Variants in HDGFL3 observed in about 807,000 individuals in gnomAD.
HDGFL3 encodes HDGF like 3, also known as hepatoma-derived growth factor-related protein 3.
A neutral mutation model predicts 27.6 loss-of-function variants in HDGFL3; 6 were observed. The ratio of observed to expected loss-of-function variants is 0.22; its 90% confidence interval spans 0.12 to 0.43. The LOEUF is 0.43. Ranked by LOEUF, HDGFL3 falls within the 20% of genes least tolerant of loss-of-function variation. The pLI, the probability that HDGFL3 is intolerant of heterozygous loss-of-function variation, is 1.00. For synonymous variants in HDGFL3, 88 were observed against 88.9 expected (o/e 0.99, Z 0.05); for missense variants, 207 against 250.1 (o/e 0.83, Z 1.16).
intron 3 of HDGFL3, chr15:83,119,862 C>A: frequency 1.1e-6 from 1 of 875,280 alleles, no homozygotes; most frequent in Non-Finnish European, 1.7e-6. Flanking sequence ...TGAATATGTC[C>A]TTCTGAATTG....
At chr15:83,176,084 A>G (rs1463104819) in intron 1 of HDGFL3, among the ~76,000 whole-genome samples, 1 of 152,200 alleles carries the variant, frequency 6.6e-6, no homozygotes, top group African/African-American at 2.4e-5. Flanking sequence ...GTAGAGGAAC[A>G]CGTCTTGCTT....
At chr15:83,120,365 C>G (rs1003687699) in intron 3 of HDGFL3, among the ~76,000 whole-genome samples, 2 of 152,330 alleles carry the variant, frequency 1.3e-5, no homozygotes, top group Admixed American at 1.3e-4. Context: ...CATGGTGGCA[C>G]ACCCACAGCT....
At chr15:83,140,262 T>G (rs1288174761) in intron 5 of HDGFL3, among the ~76,000 whole-genome samples, 1 of 152,144 alleles carries the variant, frequency 6.6e-6, no homozygotes, top group African/African-American at 2.4e-5. Context: ...ATATACTTTT[T>G]ATCCTTCTGT....
At chr15:83,189,818 C>T (rs1000834429) in intron 1 of HDGFL3, among the ~76,000 whole-genome samples, 3 of 152,040 alleles carry the variant, frequency 2.0e-5, no homozygotes, top group Admixed American at 6.5e-5. Context: ...TGCAAAGGTA[C>T]TCTGATTAAC....
intron 3 of HDGFL3, among the ~76,000 whole-genome samples, chr15:83,122,162 T>A (rs1490815086): frequency 6.6e-6 from 1 of 152,210 alleles, no homozygotes; most frequent in African/African-American, 2.4e-5. Context: ...TTAAAAAAAG[T>A]ACTTTTTAAG....
intron 1 of HDGFL3, among the ~76,000 whole-genome samples, chr15:83,180,011 G>A (rs781695574): frequency 2.0e-5 from 3 of 152,012 alleles, no homozygotes; most frequent in African/African-American, 4.8e-5. Context: ...TGTGTGTGGC[G>A]GGGGGCAGAG....
intron 1 of HDGFL3, among the ~76,000 whole-genome samples, chr15:83,172,359 T>C (rs1387475353): frequency 6.6e-6 from 1 of 152,102 alleles, no homozygotes; most frequent in Non-Finnish European, 1.5e-5. Flanking sequence ...AATTCATCCT[T>C]GAACAACAGG....
chr15:83,141,139 A>AT, intron 5 of HDGFL3, among the ~76,000 whole-genome samples: 1 of 152,320 alleles, frequency 6.6e-6, no homozygotes, highest in African/African-American at 2.4e-5. Context: ...CATGGTATAT[A>AT]TTCTGGACAT....
At chr15:83,119,615 T>G (rs751400016) in intron 3 of HDGFL3, 1 of 1,614,248 alleles carries the variant, frequency 6.2e-7, no homozygotes, top group Non-Finnish European at 8.5e-7. Context: ...GGGCACATGA[T>G]CTGCTACTGG....
intron 1 of HDGFL3, among the ~76,000 whole-genome samples, chr15:83,201,185 GTT>G (rs59994589): frequency 6.8e-6 from 1 of 147,590 alleles, no homozygotes; most frequent in Non-Finnish European, 1.5e-5. Context: ...TGAATGACTA[GTT>G]TTTTTTTTTA....
At position 83,135,196 on chromosome 15, in the gene HDGFL3, T is replaced by C. The variant is rs2151388516; in HGVS notation, c.*4074A>G. On this transcript the variant is annotated 3_prime_UTR_variant, in exon 6 of 6. Coordinates refer to ENST00000299633, the MANE Select transcript of HDGFL3 (RefSeq NM_016073.4). ...TAAAAATGCAGCCCATTAAAATATC[T>C]GCCACTGATAAAAAATTCATAAAGA... 6.6e-6 allele frequency: 1 copy of C among 152,336 alleles called. No individual in the cohort carries two copies. Among genetic ancestry groups the C allele is most frequent in the Non-Finnish European group, 1.5e-5 (1 of 68,028 alleles). The allele number at this position is 152,336 out of a possible 1,614,324, so 9.4% of individuals were successfully genotyped here.
Position 83,136,700 on chromosome 15 carries a change from A to G in HDGFL3, c.*2570T>C. 1 of 1,564,928 alleles carries G rather than the reference A, an allele frequency of 6.4e-7. No homozygotes were observed. Among genetic ancestry groups the G allele is most frequent in the Non-Finnish European group, 8.7e-7 (1 of 1,155,476 alleles). On this transcript the variant is annotated 3_prime_UTR_variant, in exon 6 of 6. Transcript: ENST00000299633. ...ATATTACTTCATGTTCCTCCTTTCT[A>G]AATTACTAACTTTTGTTATACTGGT...
At chr15:83,192,527 T>C (rs1371426965) in intron 1 of HDGFL3, among the ~76,000 whole-genome samples, 1 of 152,310 alleles carries the variant, frequency 6.6e-6, no homozygotes, top group South Asian at 2.1e-4. Context: ...AAAGGCACGA[T>C]GAATGAGCTA....
chr15:83,173,291 C>T (rs564098796), intron 1 of HDGFL3, among the ~76,000 whole-genome samples: 2 of 152,148 alleles, frequency 1.3e-5, no homozygotes, highest in East Asian at 1.9e-4. Flanking sequence ...CAATAGATTA[C>T]GTGAGATACT....
chr15:83,115,449 C>G (rs190408669), exon 4 of HDGFL3: 1 of 364,986 alleles, frequency 2.7e-6, no homozygotes, highest in African/African-American at 2.1e-5. Context: ...GTGGTCACTT[C>G]TATGCTTCCT....
intron 1 of HDGFL3, among the ~76,000 whole-genome samples, chr15:83,201,062 T>C (rs2037639419): frequency 6.6e-6 from 1 of 152,128 alleles, no homozygotes; most frequent in African/African-American, 2.4e-5. Flanking sequence ...ATTCCCCCTT[T>C]TACATAGTTG....
intron 1 of HDGFL3, among the ~76,000 whole-genome samples, chr15:83,177,051 G>C (rs796843051): frequency 3.3e-5 from 5 of 151,994 alleles, no homozygotes; most frequent in African/African-American, 1.2e-4. Flanking sequence ...CTGTGTAGCT[G>C]GGATTACAGG....
At chr15:83,119,629 G>A in intron 3 of HDGFL3, 1 of 1,614,200 alleles carries the variant, frequency 6.2e-7, no homozygotes, top group Non-Finnish European at 8.5e-7. Context: ...CTACTGGGAT[G>A]GCTCTGCTCA....
At chr15:83,157,596 C>G (rs755112204) in intron 3 of HDGFL3, 23 bp from the exon 4 acceptor site, 3 of 1,590,192 alleles carry the variant, frequency 1.9e-6, no homozygotes, top group South Asian at 1.1e-5. Flanking sequence ...AAAATATTAG[C>G]TGATTACATT....
Sources: gnomAD v4.1 joint callset for allele counts (sites outside exome capture counted in the v4.1 genomes callset) on GRCh38, gnomAD v4.1.1 for gene constraint, MANE v1.5 for transcripts, NCBI Gene and HGNC (gene_info 2026-07-23, HGNC 2026-07-21) for gene names.